CHST15: variants seen among roughly 807,000 people sequenced by gnomAD.
The protein encoded by CHST15 is carbohydrate sulfotransferase 15, also known as B cell RAG associated protein (GALNAC4S-6ST).
Under a neutral mutation model 53.6 loss-of-function variants are expected in CHST15, and 30 were observed. That is an observed-to-expected ratio of 0.56 (90% CI 0.42 to 0.76). The LOEUF (loss-of-function observed/expected upper bound fraction) is 0.76. Among genes scored for constraint, CHST15 ranks in the 30% least tolerant of loss-of-function variants. The pLI is 0.00. For synonymous variants in CHST15, 296 were observed against 289.8 expected (o/e 1.02, Z -0.22); for missense variants, 627 against 740.5 (o/e 0.85, Z 1.78).
chr10:124,049,859 C>T (rs1270993123), intron 1 of CHST15, among the ~76,000 whole-genome samples: 1 of 152,044 alleles, frequency 6.6e-6, no homozygotes, highest in Non-Finnish European at 1.5e-5. Context: ...ACCTGGGGAC[C>T]CAATACTTGG....
intron 1 of CHST15, among the ~76,000 whole-genome samples, chr10:124,068,056 G>C (rs571139297): frequency 1.3e-5 from 2 of 152,310 alleles, no homozygotes; most frequent in East Asian, 3.9e-4. Context: ...CAGAAACTTT[G>C]CCTTAATTAG....
chr10:124,022,735 C>T (rs1488151323), intron 5 of CHST15, among the ~76,000 whole-genome samples: 1 of 151,988 alleles, frequency 6.6e-6, no homozygotes, highest in Non-Finnish European at 1.5e-5. Flanking sequence ...AGCCAGAATC[C>T]CCACCCCTTC....
intron 1 of CHST15, among the ~76,000 whole-genome samples, chr10:124,090,938 G>A (rs1162725530): frequency 1.3e-5 from 2 of 152,216 alleles, no homozygotes; most frequent in African/African-American, 4.8e-5. Flanking sequence ...CAAAGACAGG[G>A]TTGGACTTCT....
At chr10:124,030,898 G>A (rs1947200012) in intron 5 of CHST15, among the ~76,000 whole-genome samples, 1 of 152,246 alleles carries the variant, frequency 6.6e-6, no homozygotes, top group African/African-American at 2.4e-5. Context: ...GCTGGCTTTT[G>A]CCCTAGGGCG....
intron 1 of CHST15, among the ~76,000 whole-genome samples, chr10:124,091,097 G>T (rs980059326): frequency 1.3e-5 from 2 of 152,262 alleles, no homozygotes; most frequent in Admixed American, 6.5e-5. Flanking sequence ...CATCTAGGAG[G>T]TGGCAAGAAA....
intron 5 of CHST15, among the ~76,000 whole-genome samples, chr10:124,022,609 C>T (rs565678456): frequency 6.6e-6 from 1 of 152,128 alleles, no homozygotes; most frequent in East Asian, 1.9e-4. Flanking sequence ...AGCCAGAATC[C>T]CCCACCCTTG....
chr10:124,023,375 T>C, intron 5 of CHST15, among the ~76,000 whole-genome samples: 1 of 151,896 alleles, frequency 6.6e-6, no homozygotes, highest in Non-Finnish European at 1.5e-5. Context: ...AGTCCAGCTA[T>C]TCTGGAGACT....
chr10:124,018,495 G>A (rs1946660998), intron 6 of CHST15, among the ~76,000 whole-genome samples: 1 of 152,248 alleles, frequency 6.6e-6, no homozygotes, highest in South Asian at 2.1e-4. Flanking sequence ...CACTGGGGGA[G>A]ACACAGCCAG....
At chr10:124,080,945 C>T (rs1003743750) in intron 1 of CHST15, among the ~76,000 whole-genome samples, 5 of 152,190 alleles carry the variant, frequency 3.3e-5, no homozygotes, top group African/African-American at 1.2e-4. Context: ...GAACAGATAA[C>T]CTTCCAGTGG....
intron 6 of CHST15, chr10:124,020,634 C>T (rs1406198928): frequency 2.0e-6 from 2 of 988,150 alleles, no homozygotes; most frequent in Non-Finnish European, 1.2e-6. Flanking sequence ...AGCGGCAATG[C>T]TCGCTGCATA....
chr10:124,044,448 C>T (rs759130283), intron 3 of CHST15, 132 bp downstream of exon 3: 15 of 728,192 alleles, frequency 2.1e-5, no homozygotes, highest in Non-Finnish European at 2.9e-5. Flanking sequence ...TGCCTGGGAA[C>T]AGCCTCCTAA....
chr10:124,039,693 A>C (rs1050194920), intron 4 of CHST15, among the ~76,000 whole-genome samples: 2 of 152,248 alleles, frequency 1.3e-5, no homozygotes, highest in Non-Finnish European at 2.9e-5. Flanking sequence ...ACAGGCAGGC[A>C]TTCCAACAGC....
chr10:124,060,474 G>A (rs1590305841), intron 1 of CHST15, among the ~76,000 whole-genome samples: 1 of 149,718 alleles, frequency 6.7e-6, no homozygotes, highest in East Asian at 2.0e-4. Context: ...GTGTGGAGGT[G>A]TGCCAGCCCC....
intron 6 of CHST15, 140 bp downstream of exon 6, chr10:124,021,116 G>C: frequency 1.3e-6 from 2 of 1,508,832 alleles, no homozygotes; most frequent in Non-Finnish European, 1.8e-6. Context: ...GAATAATGGG[G>C]AACAGCATTT....
intron 1 of CHST15, among the ~76,000 whole-genome samples, chr10:124,060,863 T>TA (rs1489005647): frequency 6.6e-6 from 1 of 152,214 alleles, no homozygotes; most frequent in East Asian, 1.9e-4. Flanking sequence ...GCTCTCACTG[T>TA]CTTTCACCTT....
chr10:124,044,428 G>A, intron 3 of CHST15, 152 bp downstream of exon 3: 1 of 627,524 alleles, frequency 1.6e-6, no homozygotes. Flanking sequence ...TCCAGACCCT[G>A]CTGGGTCTTT....
chr10:124,025,969 T>C (rs1224587000), intron 5 of CHST15, among the ~76,000 whole-genome samples: 1 of 152,180 alleles, frequency 6.6e-6, no homozygotes, highest in Non-Finnish European at 1.5e-5. Flanking sequence ...CATAAGAGAC[T>C]ACATTTCTGT....
At chr10:124,014,757 T>G (rs76292314) in intron 6 of CHST15, among the ~76,000 whole-genome samples, 3,242 of 152,276 alleles carry the variant, frequency 0.021, 109 homozygotes, top group African/African-American at 0.073. Flanking sequence ...GCCAGGTGTT[T>G]GTGGCAGGCT....
chr10:124,079,904 G>A (rs765757008), intron 1 of CHST15, among the ~76,000 whole-genome samples: 5 of 152,130 alleles, frequency 3.3e-5, no homozygotes, highest in African/African-American at 7.2e-5. Context: ...TCAAGTTAAC[G>A]GCCTGTGTTC....
Sources: gnomAD v4.1 joint callset for allele counts (sites outside exome capture counted in the v4.1 genomes callset) on GRCh38, gnomAD v4.1.1 for gene constraint, MANE v1.5 for transcripts, NCBI Gene and HGNC (gene_info 2026-07-23, HGNC 2026-07-21) for gene names.